FAM227B: variants seen among roughly 807,000 people sequenced by gnomAD.
FAM227B encodes the protein family with sequence similarity 227 member B.
Under a neutral mutation model 73.8 loss-of-function variants are expected in FAM227B, and 88 were observed. The ratio of observed to expected loss-of-function variants is 1.19; its 90% CI spans 1.00 to 1.42. FAM227B has a LOEUF of 1.42. FAM227B is among the 40% of genes most tolerant of loss of function. The probability of loss-of-function intolerance (pLI) is 0.00; values close to 1 mark genes in which losing one functional copy is unlikely to be tolerated. For synonymous variants in FAM227B, 210 were observed against 190.5 expected (o/e 1.10, Z -0.84); for missense variants, 632 against 590.9 (o/e 1.07, Z -0.72).
At chr15:49,459,620 TA>T (rs1445728985) in intron 11 of FAM227B, among the ~76,000 whole-genome samples, 1 of 152,204 alleles carries the variant, frequency 6.6e-6, no homozygotes, top group Non-Finnish European at 1.5e-5. Context: ...TATGTAAATT[TA>T]TAGAGTTTGA....
chr15:49,451,878 T>C (rs926746101), intron 11 of FAM227B, among the ~76,000 whole-genome samples: 1 of 152,154 alleles, frequency 6.6e-6, no homozygotes, highest in African/African-American at 2.4e-5. Flanking sequence ...TCTTAGGAAT[T>C]ATTTTACATG....
chr15:49,574,970 A>C (rs2075356774), intron 8 of FAM227B, 41 bp downstream of exon 8: 1 of 1,294,720 alleles, frequency 7.7e-7, no homozygotes, highest in Non-Finnish European at 1.1e-6. Context: ...TAATTATGCC[A>C]AAAATCAACT....
intron 5 of FAM227B, among the ~76,000 whole-genome samples, chr15:49,582,562 G>C (rs567795845): frequency 6.6e-6 from 1 of 152,094 alleles, no homozygotes; most frequent in African/African-American, 2.4e-5. Context: ...ACAATATTAG[G>C]ACAGATCATT....
In FAM227B at chr15:49,568,274, G is replaced by A; in HGVS notation, c.718C>T (p.Pro240Ser). The A allele has an allele frequency of 6.2e-7, 1 of 1,609,060 alleles. No individual in the cohort carries two copies. The change falls in exon 9 of 16, where the codon CCT becomes TCT. Residue 240 changes from proline (P) to serine (S), a missense_variant. Pro to Ser is a moderately conservative substitution (Grantham distance 74). Transcript: ENST00000299338. ...ESYVTLFMSI[P>S]LSRKDAFFQI... is the part of the protein sequence containing the mutation. ...AAAAATGCATCCTTTCGACTTAGAGGTATGCTCATGAAAAGTGTCACATAA... is the reference window on the plus strand; with the variant it reads ...AAAAATGCATCCTTTCGACTTAGAGATATGCTCATGAAAAGTGTCACATAA...
intron 11 of FAM227B, among the ~76,000 whole-genome samples, chr15:49,428,370 A>G (rs2050304814): frequency 1.3e-5 from 2 of 152,022 alleles, no homozygotes; most frequent in African/African-American, 4.8e-5. Flanking sequence ...AATGAAGTAA[A>G]TATTCATTTT....
At chr15:49,412,478 A>C (rs1178094158) in intron 11 of FAM227B, among the ~76,000 whole-genome samples, 1 of 152,092 alleles carries the variant, frequency 6.6e-6, no homozygotes, top group African/African-American at 2.4e-5. Context: ...AATTTTTTTC[A>C]AAATATCAAC....
chr15:49,447,916 C>T (rs976940677), intron 11 of FAM227B, among the ~76,000 whole-genome samples: 1 of 151,654 alleles, frequency 6.6e-6, no homozygotes, highest in Non-Finnish European at 1.5e-5. Context: ...GAGGTAGAAT[C>T]CTCAGGCTCG....
intron 11 of FAM227B, among the ~76,000 whole-genome samples, chr15:49,464,134 A>C (rs1248633528): frequency 6.6e-6 from 1 of 152,114 alleles, no homozygotes. Flanking sequence ...AGGATGGGTT[A>C]GGCAGGGGAT....
chr15:49,473,659 G>T (rs1428830566), intron 11 of FAM227B, among the ~76,000 whole-genome samples: 2 of 152,008 alleles, frequency 1.3e-5, no homozygotes, highest in Non-Finnish European at 2.9e-5. Flanking sequence ...ACAAATAGAA[G>T]AATAAAACTA....
intron 9 of FAM227B, among the ~76,000 whole-genome samples, chr15:49,561,039 T>G (rs560979981): frequency 2.0e-5 from 3 of 152,316 alleles, no homozygotes; most frequent in South Asian, 2.1e-4. Context: ...ATACTTACTT[T>G]GAACGTATAT....
chr15:49,527,708 A>T (rs1223010211), intron 10 of FAM227B, among the ~76,000 whole-genome samples: 1 of 151,926 alleles, frequency 6.6e-6, no homozygotes, highest in Admixed American at 6.6e-5. Context: ...ACACACTGAT[A>T]ATGTTCAAGC....
intron 10 of FAM227B, among the ~76,000 whole-genome samples, chr15:49,531,233 GTAT>G (rs1437801969): frequency 1.3e-5 from 2 of 151,658 alleles, no homozygotes; most frequent in Non-Finnish European, 2.9e-5. Context: ...TTGATTTCAT[GTAT>G]ATATGTCTGT....
intron 11 of FAM227B, among the ~76,000 whole-genome samples, chr15:49,384,914 T>C (rs574832446): frequency 2.3e-4 from 35 of 152,152 alleles, no homozygotes; most frequent in Admixed American, 8.5e-4. Flanking sequence ...TATGATTCAA[T>C]ACATACTATT....
chr15:49,602,144 T>A (rs1243246159), intron 3 of FAM227B, among the ~76,000 whole-genome samples: 1 of 152,208 alleles, frequency 6.6e-6, no homozygotes, highest in East Asian at 1.9e-4. Context: ...ATTTTTTTTC[T>A]CTGGGGTATA....
chr15:49,397,044 A>G (rs1267835844), intron 11 of FAM227B, among the ~76,000 whole-genome samples: 1 of 152,136 alleles, frequency 6.6e-6, no homozygotes. Flanking sequence ...TGATCAAATT[A>G]CTCTGAGCTA....
intron 3 of FAM227B, among the ~76,000 whole-genome samples, chr15:49,595,517 G>C (rs1466340303): frequency 6.6e-6 from 1 of 151,928 alleles, no homozygotes; most frequent in African/African-American, 2.4e-5. Flanking sequence ...TACTTGTCTT[G>C]TTCAAGTTCT....
chr15:49,462,073 C>T (rs574151959), intron 11 of FAM227B, among the ~76,000 whole-genome samples: 28 of 151,970 alleles, frequency 1.8e-4, no homozygotes, highest in Non-Finnish European at 3.8e-4. Context: ...GAGCTGAGAT[C>T]GTGCCACTGT....
chr15:49,405,160 CTT>C (rs2048317928), intron 11 of FAM227B, among the ~76,000 whole-genome samples: 1 of 152,118 alleles, frequency 6.6e-6, no homozygotes, highest in Non-Finnish European at 1.5e-5. Context: ...GTGACCTGAT[CTT>C]TCTCTCTAGC....
chr15:49,405,779 C>G lies in FAM227B; in HGVS notation c.1013-34380G>C, dbSNP rs966482236. Among the ~76,000 whole-genome samples, 10 of 152,176 alleles carry G rather than the reference C, an allele frequency of 6.6e-5. No homozygotes were observed. In the South Asian group the frequency reaches 1.4e-3, roughly 22 times the overall value. On this transcript the variant is annotated intron_variant, in intron 11 of 15. Transcript: ENST00000299338. ...AGCCATCTCAGCCTGGTTCAGAACC[C>G]TTGCTGGAGAAGTGATGCAGTCATT...
Sources: allele counts gnomAD v4.1 joint callset (sites outside exome capture counted in the v4.1 genomes callset), GRCh38; gene constraint gnomAD v4.1.1; transcripts MANE v1.5; gene names NCBI Gene and HGNC (gene_info 2026-07-23, HGNC 2026-07-21).